Variants in SPINK5 observed in about 807,000 individuals in gnomAD.
SPINK5 encodes the protein serine protease inhibitor Kazal-type 5.
Under a neutral mutation model 151.8 loss-of-function variants are expected in SPINK5, and 125 were observed. That is an observed-to-expected ratio of 0.82 (90% CI 0.71 to 0.96). The LOEUF is 0.96. SPINK5 is among the 40% of genes least tolerant of loss of function. SPINK5 has a pLI of 0.00. For synonymous variants in SPINK5, 374 were observed against 395.3 expected, an observed-to-expected ratio of 0.95 and a Z score of 0.64; for missense variants, 1,194 against 1,291.9, an observed-to-expected ratio of 0.92 and a Z score of 1.16.
At chr5:148,087,576 C>T (rs1360636257) in intron 5 of SPINK5, among the ~76,000 whole-genome samples, 1 of 151,762 alleles carries the variant, frequency 6.6e-6, no homozygotes, top group Non-Finnish European at 1.5e-5. Flanking sequence ...AAACCGAAAA[C>T]AAACGTAGAT....
chr5:148,081,456 C>A (rs1324275838), intron 4 of SPINK5, among the ~76,000 whole-genome samples: 1 of 151,670 alleles, frequency 6.6e-6, no homozygotes, highest in Non-Finnish European at 1.5e-5. Context: ...GTGCTACTGA[C>A]AATTTTGCAA....
rs1422994 is a variant in SPINK5 at position 148,124,193 on chromosome 5, G to A, written c.2666+233G>A. Among the ~76,000 whole-genome samples, 85,416 of 152,038 alleles carry A rather than the reference G, an allele frequency of 0.56. 24,708 individuals are homozygous for A. The highest frequency in any genetic ancestry group is 0.65 in the Admixed American group (9,920 of 15,288). ...GTAGGAAGAGGTAGCTTATCAGCTAGGTAACCTGGGACAGGCCAGTTCATT... is the reference window on the plus strand; with the variant it reads ...GTAGGAAGAGGTAGCTTATCAGCTAAGTAACCTGGGACAGGCCAGTTCATT... On this transcript the variant is annotated intron_variant, in intron 27 of 32. Coordinates refer to ENST00000256084, the MANE Select transcript of SPINK5 (RefSeq NM_006846.4).
chr5:148,068,797 T>A (rs9325064), intron 2 of SPINK5, among the ~76,000 whole-genome samples: 106,502 of 151,884 alleles, frequency 0.7, 37,807 homozygotes, highest in East Asian at 0.91. Context: ...CAAAGGCCTA[T>A]TCTAAAGACC....
intron 12 of SPINK5, 99 bp from the exon 13 acceptor site, chr5:148,100,355 A>G (rs1436675445): frequency 2.3e-6 from 3 of 1,298,028 alleles, no homozygotes; most frequent in Non-Finnish European, 3.3e-6. Flanking sequence ...CCTCAGCTCA[A>G]AGAGATGTAA....
At chr5:148,097,382 T>C (rs1753498249) in intron 10 of SPINK5, among the ~76,000 whole-genome samples, 1 of 152,050 alleles carries the variant, frequency 6.6e-6, no homozygotes, top group African/African-American at 2.4e-5. Context: ...ACTATATTCA[T>C]AAATATGTTA....
At chr5:148,135,165 C>CT (rs1754666161) in intron 32 of SPINK5, among the ~76,000 whole-genome samples, 1 of 152,156 alleles carries the variant, frequency 6.6e-6, no homozygotes, top group African/African-American at 2.4e-5. Flanking sequence ...GGAGTTTAAA[C>CT]TTTAACTCTA....
At position 148,091,178 on chromosome 5, in the gene SPINK5, G is replaced by GA; in HGVS notation, c.620dup (p.Asn207LysfsTer7). ...TTTTCTTAACAGTTTAAAAGAAGCTGAAAATGCCAAGCGAGAGGGTGAAAC... is the reference window on the plus strand; with the variant it reads ...TTTTCTTAACAGTTTAAAAGAAGCTGAAAAATGCCAAGCGAGAGGGTGAAAC... On this transcript the variant is annotated frameshift_variant, in exon 8 of 33. Coordinates refer to ENST00000256084, the MANE Select transcript of SPINK5 (RefSeq NM_006846.4). LOFTEE classifies it high-confidence loss of function. 1 of 1,611,284 alleles carries GA rather than the reference G, an allele frequency of 6.2e-7. No individual in the cohort carries two copies. Among genetic ancestry groups the GA allele is most frequent in the South Asian group, 1.1e-5 (1 of 90,976 alleles).
At chr5:148,093,275 A>G (rs968081781) in intron 8 of SPINK5, among the ~76,000 whole-genome samples, 3 of 151,934 alleles carry the variant, frequency 2.0e-5, no homozygotes, top group Admixed American at 1.3e-4. Context: ...AGAGTTTTCA[A>G]AACACAGAAA....
In SPINK5 at chr5:148,100,245, G is replaced by C. The variant is rs17107730; in HGVS notation, c.1093-209G>C. Among the ~76,000 whole-genome samples, 9,244 of 152,050 alleles carry C rather than the reference G, an allele frequency of 0.061. 964 individuals are homozygous for C. Among genetic ancestry groups the C allele is most frequent in the African/African-American group, 0.21 (8,739 of 41,444 alleles). Reference sequence around the variant, plus strand: ...GCTTATATATTGCTTGTATTATATGGGGACATTGTGCTATGTTTTATTTTT... The same window carrying C: ...GCTTATATATTGCTTGTATTATATGCGGACATTGTGCTATGTTTTATTTTT... On this transcript the variant is annotated intron_variant, in intron 12 of 32. Transcript: ENST00000256084.
rs1457469450 is a variant in SPINK5, at chr5:148,114,497, C to A, written c.2015+8C>A. ...CATGTGTAAGGCAGTCTTGTGAGTGCACAAAGAAAACCACTACTGTGGGAT... is the reference window on the plus strand; with the variant it reads ...CATGTGTAAGGCAGTCTTGTGAGTGAACAAAGAAAACCACTACTGTGGGAT... On this transcript the variant is annotated splice_region_variant and intron_variant, in intron 21 of 32. Transcript: ENST00000256084. The A allele has an allele frequency of 1.2e-6, 2 of 1,612,990 alleles. No individual in the cohort carries two copies. Among genetic ancestry groups the A allele is most frequent in the Non-Finnish European group, 1.7e-6 (2 of 1,179,348 alleles).
At chr5:148,088,700 G>T (rs1235269568) in intron 6 of SPINK5, 95 bp downstream of exon 6, 1 of 1,255,358 alleles carries the variant, frequency 8.0e-7, no homozygotes, top group African/African-American at 1.5e-5. Context: ...GGGAGCCTTG[G>T]AAGGAATTAA....
chr5:148,116,503 C>T, intron 22 of SPINK5, 37 bp downstream of exon 22: 3 of 1,597,360 alleles, frequency 1.9e-6, no homozygotes, highest in Non-Finnish European at 2.6e-6. Flanking sequence ...CTGGGGCGGG[C>T]TCAACTCCTT....
rs1360224197 is a variant in SPINK5, at chr5:148,108,733, ATCT to A, written c.1608-15_1608-13del. On this transcript the variant is annotated splice_polypyrimidine_tract_variant and intron_variant, in intron 17 of 32. Transcript: ENST00000256084. ...GAGTAGGGAATCATATTCAGCCTATATCTTCTTTTTCTATTACAGCAAACTTGA... is the reference window on the plus strand; with the variant it reads ...GAGTAGGGAATCATATTCAGCCTATATCTTTTTCTATTACAGCAAACTTGA... The A allele has an allele frequency of 3.5e-5, 57 of 1,608,682 alleles. No homozygotes were observed. The Admixed American group carries it at 9.4e-4, about 26-fold the overall frequency.
chr5:148,129,896 A>G (rs1436711958), intron 30 of SPINK5, among the ~76,000 whole-genome samples: 1 of 152,170 alleles, frequency 6.6e-6, no homozygotes, highest in Non-Finnish European at 1.5e-5. Context: ...GTAGTTATTT[A>G]TAACATTTCT....
chr5:148,098,211 G>T (rs1461944356), intron 11 of SPINK5, among the ~76,000 whole-genome samples: 1 of 151,946 alleles, frequency 6.6e-6, no homozygotes, highest in African/African-American at 2.4e-5. Flanking sequence ...TTTAGCACTG[G>T]AATGTCCTGA....
chr5:148,118,860 T>C, intron 23 of SPINK5, 126 bp from the exon 24 acceptor site: 2 of 1,020,608 alleles, frequency 2.0e-6, no homozygotes, highest in Non-Finnish European at 3.0e-6. Flanking sequence ...GTCACGGCCA[T>C]TTGGAATCAT....
intron 30 of SPINK5, among the ~76,000 whole-genome samples, chr5:148,128,690 A>AT (rs999400477): frequency 2.9e-4 from 44 of 152,026 alleles, no homozygotes; most frequent in Middle Eastern, 6.8e-3. Flanking sequence ...CACCACGCTA[A>AT]TTTTTTGTAT....
At chr5:148,084,649 AG>A (rs1753106730) in intron 4 of SPINK5, among the ~76,000 whole-genome samples, 1 of 151,862 alleles carries the variant, frequency 6.6e-6, no homozygotes, top group Admixed American at 6.6e-5. Context: ...ATGCTTCTGT[AG>A]TATCTTCAGG....
chr5:148,097,824 G>T (rs1354973715), intron 10 of SPINK5, 43 bp from the exon 11 acceptor site: 1 of 1,563,328 alleles, frequency 6.4e-7, no homozygotes. Context: ...TTCATACATA[G>T]AAAACAGAAC....
Sources: allele counts gnomAD v4.1 joint callset (sites outside exome capture counted in the v4.1 genomes callset), GRCh38; gene constraint gnomAD v4.1.1; transcripts MANE v1.5; gene names NCBI Gene and HGNC (gene_info 2026-07-23, HGNC 2026-07-21).